TFG: variants seen among roughly 807,000 people sequenced by gnomAD.
The protein encoded by TFG is trafficking from ER to golgi regulator.
In TFG, 22 loss-of-function variants were observed where a neutral mutation model predicts 51.4. The ratio of observed to expected loss-of-function variants is 0.43; its 90% CI spans 0.31 to 0.61. The LOEUF (loss-of-function observed/expected upper bound fraction) is 0.61, where lower values mean the gene tolerates loss of function less well. Ranked by LOEUF, TFG falls within the 20% of genes least tolerant of loss-of-function variation. TFG has a pLI of 0.12. For synonymous variants in TFG, 187 were observed against 165.6 expected (o/e 1.13, Z -0.99); for missense variants, 419 against 487.7 (o/e 0.86, Z 1.33).
At chr3:100,725,108 G>A (rs1288160407) in intron 3 of TFG, among the ~76,000 whole-genome samples, 2 of 151,856 alleles carry the variant, frequency 1.3e-5, no homozygotes, top group African/African-American at 2.4e-5. Context: ...GGGTTTCACC[G>A]TGTTAGCCAG....
At chr3:100,718,668 C>T (rs188472126) in intron 2 of TFG, among the ~76,000 whole-genome samples, 45 of 148,572 alleles carry the variant, frequency 3.0e-4, no homozygotes, top group South Asian at 8.5e-4. Flanking sequence ...AGTGATTCTC[C>T]TGCCTCGGCC....
chr3:100,739,403 C>G (rs1356439989), intron 6 of TFG, among the ~76,000 whole-genome samples: 1 of 150,736 alleles, frequency 6.6e-6, no homozygotes, highest in East Asian at 2.0e-4. Flanking sequence ...AAAAAAAAAC[C>G]AAAAGGGATA....
Position 100,718,556 on chromosome 3 carries a change from T to G in TFG, c.185-1419T>G, listed in dbSNP as rs928305570. Among the ~76,000 whole-genome samples the G allele has an allele frequency of 5.9e-4, 81 of 136,468 alleles. 1 individual carries two copies. The highest frequency in any genetic ancestry group is 2.2e-3 in the African/African-American group (74 of 33,580). 89.5% of individuals were successfully genotyped at this position (136,468 alleles called of 152,430 possible). ...ACAACTTTGTATTTCATGGTTTTTT[T>G]TTTTTTTTTTTTTTTTTTTGAGACA... On this transcript the variant is annotated intron_variant, in intron 2 of 7. Transcript: ENST00000240851.
intron 7 of TFG, among the ~76,000 whole-genome samples, chr3:100,746,510 A>T (rs9811997): frequency 0.031 from 4,525 of 148,078 alleles, 185 homozygotes; most frequent in African/African-American, 0.096. Context: ...CCTATGTATT[A>T]AAAAAAAAAC....
intron 6 of TFG, among the ~76,000 whole-genome samples, chr3:100,737,159 TA>T (rs1410302424): frequency 6.6e-6 from 1 of 152,216 alleles, no homozygotes; most frequent in Admixed American, 6.5e-5. Flanking sequence ...TTGTTAAGAT[TA>T]GTAGCCTTTT....
chr3:100,716,199 C>A (rs2095045944), intron 2 of TFG, among the ~76,000 whole-genome samples: 1 of 152,060 alleles, frequency 6.6e-6, no homozygotes, highest in Non-Finnish European at 1.5e-5. Flanking sequence ...TTTAATAAAT[C>A]TCTCCCTATC....
At chr3:100,737,750 T>G (rs182077211) in intron 6 of TFG, among the ~76,000 whole-genome samples, 2 of 152,308 alleles carry the variant, frequency 1.3e-5, no homozygotes, top group Non-Finnish European at 2.9e-5. Context: ...CCTGTGGTGA[T>G]ACTTTCAGAG....
chr3:100,722,631 C>T (rs948757765), intron 3 of TFG, among the ~76,000 whole-genome samples: 1 of 152,026 alleles, frequency 6.6e-6, no homozygotes, highest in African/African-American at 2.4e-5. Context: ...TAAAAGTAGC[C>T]AGAGAGAATA....
intron 5 of TFG, among the ~76,000 whole-genome samples, chr3:100,735,736 A>G (rs1261814398): frequency 3.3e-5 from 5 of 152,216 alleles, no homozygotes; most frequent in African/African-American, 1.2e-4. Flanking sequence ...TATTCTCTCC[A>G]TTCATTTCTG....
chr3:100,712,629 CTG>C (rs960709458), intron 1 of TFG, among the ~76,000 whole-genome samples: 3 of 152,150 alleles, frequency 2.0e-5, no homozygotes, highest in Non-Finnish European at 2.9e-5. Context: ...TGTTGAATGA[CTG>C]TTGTCTGCTA....
intron 4 of TFG, among the ~76,000 whole-genome samples, chr3:100,731,493 A>C (rs1327473229): frequency 6.6e-6 from 1 of 152,202 alleles, no homozygotes; most frequent in East Asian, 1.9e-4. Context: ...AAGTTTAAGT[A>C]TATAAGAAAG....
intron 3 of TFG, among the ~76,000 whole-genome samples, chr3:100,721,110 C>A (rs1020002118): frequency 2.0e-5 from 3 of 152,018 alleles, no homozygotes; most frequent in Admixed American, 1.3e-4. Context: ...ATAAAGGTAT[C>A]TTTTTACAGT....
chr3:100,714,925 C>T (rs933617076), intron 2 of TFG, among the ~76,000 whole-genome samples: 3 of 152,144 alleles, frequency 2.0e-5, no homozygotes, highest in African/African-American at 7.2e-5. Flanking sequence ...ACTGTATTTC[C>T]TATTCTTCAA....
At chr3:100,731,371 C>T (rs2095091216) in intron 4 of TFG, among the ~76,000 whole-genome samples, 1 of 152,012 alleles carries the variant, frequency 6.6e-6, no homozygotes, top group African/African-American at 2.4e-5. Context: ...AGTATAAATG[C>T]CTGTGGAATA....
intron 5 of TFG, among the ~76,000 whole-genome samples, chr3:100,733,022 G>A (rs182959769): frequency 2.5e-4 from 38 of 152,184 alleles, no homozygotes; most frequent in Non-Finnish European, 2.8e-4. Context: ...TGCAGTATTC[G>A]AATTATATTT....
chr3:100,719,183 C>T (rs934667762), intron 2 of TFG, among the ~76,000 whole-genome samples: 1 of 152,206 alleles, frequency 6.6e-6, no homozygotes, highest in East Asian at 1.9e-4. Flanking sequence ...TGCAGCAGAG[C>T]ATCCCAGAAG....
intron 5 of TFG, among the ~76,000 whole-genome samples, chr3:100,733,299 C>G (rs1576370079): frequency 1.3e-5 from 2 of 152,240 alleles, no homozygotes; most frequent in South Asian, 4.1e-4. Flanking sequence ...TCAGTCTTCT[C>G]TCTGTTCTTC....
chr3:100,713,543 A>C, intron 1 of TFG, 100 bp from the exon 2 acceptor site: 1 of 471,390 alleles, frequency 2.1e-6, no homozygotes, highest in Non-Finnish European at 3.6e-6. Context: ...GGGGATAATG[A>C]ATCTTTTGGA....
chr3:100,736,897 A>G (rs913221266), intron 6 of TFG, among the ~76,000 whole-genome samples, 181 bp downstream of exon 6: 6 of 152,188 alleles, frequency 3.9e-5, no homozygotes, highest in Admixed American at 1.3e-4. Context: ...GTTTCCAATT[A>G]TTGGAATGAA....
Sources: allele counts gnomAD v4.1 joint callset (sites outside exome capture counted in the v4.1 genomes callset), GRCh38; gene constraint gnomAD v4.1.1; transcripts MANE v1.5; gene names NCBI Gene and HGNC (gene_info 2026-07-23, HGNC 2026-07-21).